The following ZZZ3 variants were observed in gnomAD, a reference collection of about 807,000 sequenced individuals.
ZZZ3 encodes the protein ZZ-type zinc finger-containing protein 3.
In ZZZ3, 22 loss-of-function variants were observed where a neutral mutation model predicts 95.2. The ratio of observed to expected loss-of-function variants is 0.23; its 90% CI spans 0.17 to 0.33. The LOEUF (loss-of-function observed/expected upper bound fraction) is 0.33, where lower values mean the gene tolerates loss of function less well. Among genes scored for constraint, ZZZ3 ranks in the 10% least tolerant of loss-of-function variants. The pLI, the probability that ZZZ3 is intolerant of heterozygous loss-of-function variation, is 1.00. For missense variants in ZZZ3, 885 were observed against 1,066.5 expected, an observed-to-expected ratio of 0.83 and a Z score of 2.37; for synonymous variants, 335 against 358.9, an observed-to-expected ratio of 0.93 and a Z score of 0.75.
intron 5 of ZZZ3, among the ~76,000 whole-genome samples, chr1:77,612,327 A>G (rs1219453516): frequency 3.3e-5 from 5 of 152,050 alleles, no homozygotes; most frequent in Non-Finnish European, 5.9e-5. Flanking sequence ...AGGAAACCTT[A>G]GCACACTGTT....
chr1:77,649,940 A>G (rs1669650963), intron 1 of ZZZ3, among the ~76,000 whole-genome samples: 1 of 152,152 alleles, frequency 6.6e-6, no homozygotes, highest in Non-Finnish European at 1.5e-5. Context: ...AAATATACCA[A>G]TATACTGTAC....
chr1:77,603,815 CTGACA>C (rs1330442780), intron 5 of ZZZ3, among the ~76,000 whole-genome samples: 3 of 152,102 alleles, frequency 2.0e-5, no homozygotes, highest in Non-Finnish European at 2.9e-5. Context: ...GATCTTATTT[CTGACA>C]TAAAACTTTT....
intron 5 of ZZZ3, among the ~76,000 whole-genome samples, chr1:77,607,907 A>C (rs570398564): frequency 5.8e-4 from 87 of 150,318 alleles, no homozygotes; most frequent in African/African-American, 2.1e-3. Flanking sequence ...GCGACAGAAC[A>C]AGACTCTGTC....
At chr1:77,643,277 T>C (rs900394972) in intron 1 of ZZZ3, among the ~76,000 whole-genome samples, 1 of 152,224 alleles carries the variant, frequency 6.6e-6, no homozygotes, top group Non-Finnish European at 1.5e-5. Context: ...AAAACTCTTG[T>C]AGCCCCTGTA....
Position 77,631,916 on chromosome 1 carries a change from T to A in ZZZ3, c.1439A>T (p.Glu480Val). The A allele has an allele frequency of 6.2e-7, 1 of 1,613,580 alleles. No individual in the cohort carries two copies. The part of the protein sequence containing the change: ...KESASQHITE[E>V]EDDDPDVYYF... ...ATAAACATCAGGATCATCATCTTCCTCTTCTGTAATGTGCTGACTGGCACT... is the reference window on the plus strand; with the variant it reads ...ATAAACATCAGGATCATCATCTTCCACTTCTGTAATGTGCTGACTGGCACT... The change falls in exon 5 of 15, where the codon GAG becomes GTG. Residue 480 changes from glutamate to valine, a missense_variant. Coordinates refer to ENST00000370801, the MANE Select transcript of ZZZ3 (RefSeq NM_015534.6).
In ZZZ3 at chr1:77,589,412, T is replaced by TTTTATTTA. The variant is rs71244406; in HGVS notation, c.1506-4765_1506-4758dup. Among the ~76,000 whole-genome samples the TTTTATTTA allele has an allele frequency of 6.0e-3, 872 of 144,558 alleles. 4 individuals carry two copies. The highest frequency in any genetic ancestry group is 0.01 in the Middle Eastern group (3 of 286). The allele number at this position is 144,558 out of a possible 152,430, so 94.8% of individuals were successfully genotyped here. On this transcript the variant is annotated intron_variant, in intron 5 of 14. Transcript: ENST00000370801. ...AAGGAATTAGCAATCTGGAGGTTGA[T>TTTTATTTA]TTTATTTATTTATTTATTTATTTAT...
rs1184662681 is a variant in ZZZ3, at chr1:77,562,572, G to C, written c.*3068C>G. ...TACCTAGTAAATTTTTGTGTTCTGT[G>C]AATCAATTTAAACAAAAAGGGGAAG... On this transcript the variant is annotated 3_prime_UTR_variant, in exon 15 of 15. Transcript: ENST00000370801. The C allele has an allele frequency of 6.6e-6, 1 of 151,982 alleles. No individual in the cohort carries two copies. The highest frequency in any genetic ancestry group is 2.4e-5 in the African/African-American group (1 of 41,362). 9.4% of individuals were successfully genotyped at this position (151,982 alleles called of 1,614,324 possible).
chr1:77,625,805 C>A (rs1435305689), intron 5 of ZZZ3, among the ~76,000 whole-genome samples: 1 of 150,190 alleles, frequency 6.7e-6, no homozygotes, highest in Non-Finnish European at 1.5e-5. Flanking sequence ...GCCTGGTCAA[C>A]ATGATGAAAC....
intron 5 of ZZZ3, among the ~76,000 whole-genome samples, chr1:77,616,183 T>C (rs1448000321): frequency 6.6e-6 from 1 of 152,200 alleles, no homozygotes; most frequent in Non-Finnish European, 1.5e-5. Flanking sequence ...CAAATGTTCA[T>C]ACTTATTATC....
chr1:77,584,704 A>G, intron 5 of ZZZ3, 49 bp from the exon 6 acceptor site: 1 of 1,477,232 alleles, frequency 6.8e-7, no homozygotes, highest in Non-Finnish European at 9.0e-7. Context: ...AGTAACAACA[A>G]TAAATAAAAA....
chr1:77,624,769 C>T (rs1407354945), intron 5 of ZZZ3, among the ~76,000 whole-genome samples: 4 of 152,158 alleles, frequency 2.6e-5, no homozygotes, highest in Admixed American at 6.5e-5. Flanking sequence ...CAATTTGTAG[C>T]CAAGTCAGAC....
intron 5 of ZZZ3, among the ~76,000 whole-genome samples, chr1:77,618,233 C>CT (rs10597366): frequency 0.018 from 1,472 of 81,070 alleles, 243 homozygotes; most frequent in African/African-American, 0.036. Flanking sequence ...CCAATGCAGC[C>CT]TTTTTTTTTT....
intron 5 of ZZZ3, among the ~76,000 whole-genome samples, chr1:77,605,972 T>C (rs1466433957): frequency 6.6e-6 from 1 of 151,900 alleles, no homozygotes; most frequent in Non-Finnish European, 1.5e-5. Flanking sequence ...AAAAGCAAAG[T>C]GGACTTTGTC....
intron 1 of ZZZ3, among the ~76,000 whole-genome samples, chr1:77,646,220 T>C (rs1669255980): frequency 6.6e-6 from 1 of 152,070 alleles, no homozygotes; most frequent in Non-Finnish European, 1.5e-5. Flanking sequence ...TTTTTTGTTT[T>C]TTGTTTTTTT....
In ZZZ3 at chr1:77,642,372, T is replaced by C. The variant is rs75797076; in HGVS notation, c.-402-717A>G. ...CATACATATCAAAGAAAGCAGCGTA[T>C]GAATGGCATTCCAAAATGTTTCATC... On this transcript the variant is annotated intron_variant, in intron 1 of 14. Coordinates refer to ENST00000370801, the MANE Select transcript of ZZZ3 (RefSeq NM_015534.6). Among the ~76,000 whole-genome samples the C allele has an allele frequency of 6.8e-3, 1,031 of 152,316 alleles. 13 individuals are homozygous for C. The highest frequency in any genetic ancestry group is 0.023 in the African/African-American group (957 of 41,572).
intron 11 of ZZZ3, among the ~76,000 whole-genome samples, chr1:77,576,710 C>T (rs1182481173): frequency 6.6e-6 from 1 of 151,484 alleles, no homozygotes; most frequent in Non-Finnish European, 1.5e-5. Context: ...CTTCCCCGGG[C>T]TACATTGGAA....
chr1:77,607,958 C>T (rs1210573837), intron 5 of ZZZ3, among the ~76,000 whole-genome samples: 1 of 148,106 alleles, frequency 6.8e-6, no homozygotes, highest in African/African-American at 2.5e-5. Context: ...AGGGAAAATA[C>T]ACAGAGGAAA....
chr1:77,594,636 TG>T (rs978061227), intron 5 of ZZZ3, among the ~76,000 whole-genome samples: 1 of 152,076 alleles, frequency 6.6e-6, no homozygotes, highest in African/African-American at 2.4e-5. Context: ...TATGACATCT[TG>T]GGAGTTCTTT....
At chr1:77,662,567 AACC>A (rs1670896750) in intron 1 of ZZZ3, among the ~76,000 whole-genome samples, 1 of 152,206 alleles carries the variant, frequency 6.6e-6, no homozygotes, top group South Asian at 2.1e-4. Context: ...CCCTGAATCT[AACC>A]ACAAGAAATT....
Sources: gnomAD v4.1 joint callset for allele counts (sites outside exome capture counted in the v4.1 genomes callset) on GRCh38, gnomAD v4.1.1 for gene constraint, MANE v1.5 for transcripts, NCBI Gene and HGNC (gene_info 2026-07-23, HGNC 2026-07-21) for gene names.